CARMIL1: variants seen among roughly 807,000 people sequenced by gnomAD.
CARMIL1 encodes F-actin-uncapping protein LRRC16A.
CARMIL1 carries 90 observed loss-of-function variants against 177.1 expected under a neutral mutation model. The observed-to-expected ratio is 0.51, with a 90% CI of 0.43 to 0.61. The LOEUF (loss-of-function observed/expected upper bound fraction) is 0.61. Among genes scored for constraint, CARMIL1 ranks in the 20% least tolerant of loss-of-function variants. The probability of loss-of-function intolerance (pLI) is 0.00; values close to 1 mark genes in which losing one functional copy is unlikely to be tolerated. For missense variants in CARMIL1, 1,380 were observed against 1,667.0 expected, an observed-to-expected ratio of 0.83 and a Z score of 3.00; for synonymous variants, 577 against 606.2, an observed-to-expected ratio of 0.95 and a Z score of 0.71.
intron 35 of CARMIL1, among the ~76,000 whole-genome samples, chr6:25,607,214 GTTT>G (rs3034232): frequency 2.0e-5 from 3 of 146,846 alleles, no homozygotes; most frequent in African/African-American, 7.5e-5. Flanking sequence ...CACACATTAG[GTTT>G]TTTTTTTTTA....
chr6:25,430,581 C>CACCAT (rs1399565937), intron 4 of CARMIL1, among the ~76,000 whole-genome samples: 1 of 151,886 alleles, frequency 6.6e-6, no homozygotes, highest in Non-Finnish European at 1.5e-5. Context: ...AGGCATGCAC[C>CACCAT]ACCATGCCTG....
intron 2 of CARMIL1, among the ~76,000 whole-genome samples, chr6:25,299,978 C>CA (rs201932888): frequency 0.016 from 1,496 of 96,272 alleles, 28 homozygotes; most frequent in African/African-American, 0.047. Flanking sequence ...GACTCCACCT[C>CA]AAAAAAAAAA....
chr6:25,462,122 A>G (rs1800175661), intron 8 of CARMIL1, among the ~76,000 whole-genome samples: 1 of 152,160 alleles, frequency 6.6e-6, no homozygotes, highest in African/African-American at 2.4e-5. Context: ...CATGTGGCTT[A>G]TCTTTTTCTT....
chr6:25,452,483 C>T (rs1582002309), intron 8 of CARMIL1: 1 of 370,694 alleles, frequency 2.7e-6, no homozygotes, highest in Non-Finnish European at 4.8e-6. Context: ...AATGATCGAT[C>T]TTTGGTTTTT....
At chr6:25,352,704 G>C (rs1287666787) in intron 2 of CARMIL1, among the ~76,000 whole-genome samples, 1 of 152,088 alleles carries the variant, frequency 6.6e-6, no homozygotes, top group Admixed American at 6.5e-5. Flanking sequence ...GTACTAAATA[G>C]AAGGCAAGTC....
chr6:25,426,262 C>G (rs546885482), intron 3 of CARMIL1, among the ~76,000 whole-genome samples: 1 of 152,102 alleles, frequency 6.6e-6, no homozygotes, highest in Non-Finnish European at 1.5e-5. Flanking sequence ...CATGCAGCTT[C>G]CTTTCTTTTC....
At chr6:25,425,126 A>G (rs1796177349) in intron 3 of CARMIL1, among the ~76,000 whole-genome samples, 1 of 152,250 alleles carries the variant, frequency 6.6e-6, no homozygotes, top group South Asian at 2.1e-4. Context: ...GCTTTTAAAC[A>G]TGTGCCTTAA....
At chr6:25,457,177 C>T (rs141766523) in intron 8 of CARMIL1, among the ~76,000 whole-genome samples, 1 of 152,068 alleles carries the variant, frequency 6.6e-6, no homozygotes, top group East Asian at 1.9e-4. Flanking sequence ...GGGGATGTGA[C>T]GTTAATAGTA....
chr6:25,428,742 A>T (rs1445066298), intron 4 of CARMIL1, among the ~76,000 whole-genome samples: 1 of 152,288 alleles, frequency 6.6e-6, no homozygotes, highest in Non-Finnish European at 1.5e-5. Flanking sequence ...GGTCTTACAT[A>T]TGTCTAAATT....
At chr6:25,368,267 T>C (rs75238515) in intron 2 of CARMIL1, among the ~76,000 whole-genome samples, 12,517 of 152,314 alleles carry the variant, frequency 0.082, 522 homozygotes, top group East Asian at 0.14. Flanking sequence ...ACTTAGTTTC[T>C]GAGAGTAGTT....
At chr6:25,392,502 A>G (rs886736582) in intron 2 of CARMIL1, among the ~76,000 whole-genome samples, 2 of 152,168 alleles carry the variant, frequency 1.3e-5, no homozygotes, top group African/African-American at 4.8e-5. Context: ...TTTCTCCTAT[A>G]GGATAAGCAG....
intron 23 of CARMIL1, among the ~76,000 whole-genome samples, chr6:25,526,169 A>ATAAATAAG: frequency 6.7e-6 from 1 of 149,836 alleles, no homozygotes; most frequent in Admixed American, 6.6e-5. Context: ...AAATAAATAA[A>ATAAATAAG]TAAATAAATA....
At chr6:25,398,849 G>A (rs927595497) in intron 2 of CARMIL1, among the ~76,000 whole-genome samples, 28 of 152,182 alleles carry the variant, frequency 1.8e-4, no homozygotes, top group African/African-American at 6.8e-4. Flanking sequence ...TGCAGGGAAT[G>A]TGGCTTTTGA....
chr6:25,596,328 TGTCA>T (rs1582476190), intron 32 of CARMIL1, among the ~76,000 whole-genome samples: 1 of 152,208 alleles, frequency 6.6e-6, no homozygotes, highest in African/African-American at 2.4e-5. Flanking sequence ...AATAGATTAT[TGTCA>T]GTCCAATCTT....
intron 8 of CARMIL1, among the ~76,000 whole-genome samples, chr6:25,458,489 A>G (rs76757893): frequency 1.3e-5 from 2 of 149,266 alleles, no homozygotes; most frequent in African/African-American, 4.9e-5. Flanking sequence ...CTGTCTCAAA[A>G]AAAAAAAAAA....
At chr6:25,325,671 A>T (rs935785068) in intron 2 of CARMIL1, among the ~76,000 whole-genome samples, 1 of 152,246 alleles carries the variant, frequency 6.6e-6, no homozygotes, top group Non-Finnish European at 1.5e-5. Flanking sequence ...ACAAAAAGTG[A>T]TTCAGCATGT....
At chr6:25,549,911 A>G (rs2064128) in intron 26 of CARMIL1, among the ~76,000 whole-genome samples, 20,626 of 152,242 alleles carry the variant, frequency 0.14, 1,808 homozygotes, top group South Asian at 0.19. Context: ...ACTGTGTGCT[A>G]GACACTCTGT....
At chr6:25,440,035 ATTAATC>A (rs1402267005) in intron 5 of CARMIL1, among the ~76,000 whole-genome samples, 4 of 152,210 alleles carry the variant, frequency 2.6e-5, no homozygotes, top group Non-Finnish European at 4.4e-5. Context: ...CCATGTTTTT[ATTAATC>A]TTAAATCCCT....
intron 31 of CARMIL1, among the ~76,000 whole-genome samples, chr6:25,586,452 G>A (rs1398281204): frequency 6.9e-6 from 1 of 144,418 alleles, no homozygotes. Context: ...CCGGGAAGAG[G>A]CGCTCCTCAC....
Sources: gnomAD v4.1 joint callset for allele counts (sites outside exome capture counted in the v4.1 genomes callset) on GRCh38, gnomAD v4.1.1 for gene constraint, MANE v1.5 for transcripts, NCBI Gene and HGNC (gene_info 2026-07-23, HGNC 2026-07-21) for gene names.